RIC1: variants seen among roughly 807,000 people sequenced by gnomAD.
RIC1 encodes RIC1 partner of RAB6A GEF complex, also known as guanine nucleotide exchange factor subunit RIC1.
Under a neutral mutation model 169.0 loss-of-function variants are expected in RIC1, and 88 were observed. The ratio of observed to expected loss-of-function variants is 0.52; its 90% confidence interval spans 0.44 to 0.62. RIC1 has a LOEUF of 0.62. Among genes scored for constraint, RIC1 ranks in the 20% least tolerant of loss-of-function variants. RIC1 has a pLI of 0.00. For missense variants in RIC1, 1,877 were observed against 1,725.5 expected, an observed-to-expected ratio of 1.09 and a Z score of -1.56; for synonymous variants, 790 against 601.5, an observed-to-expected ratio of 1.31 and a Z score of -4.59.
At chr9:5,710,374 G>C (rs779281548) in intron 3 of RIC1, among the ~76,000 whole-genome samples, 22 of 152,146 alleles carry the variant, frequency 1.4e-4, no homozygotes, top group Non-Finnish European at 2.4e-4. Flanking sequence ...TCTTTACCCT[G>C]CTTGGCTCCA....
At chr9:5,772,422 A>G (rs547111069) in intron 23 of RIC1, 142 bp from the exon 24 acceptor site, 9 of 632,958 alleles carry the variant, frequency 1.4e-5, no homozygotes, top group East Asian at 2.9e-5. Flanking sequence ...CTATGTTCAC[A>G]TGGTAATTTT....
intron 2 of RIC1, among the ~76,000 whole-genome samples, chr9:5,670,420 T>C (rs1012976222): frequency 1.3e-5 from 2 of 152,216 alleles, no homozygotes; most frequent in Admixed American, 6.5e-5. Flanking sequence ...CTAGGCCTTA[T>C]TGATTCCATA....
At position 5,765,529 on chromosome 9, in the gene RIC1, G is replaced by A; in HGVS notation, c.2957G>A (p.Gly986Asp). The A allele has an allele frequency of 6.2e-7, 1 of 1,612,510 alleles. No homozygotes were observed. Residue 986 changes from glycine (G) to aspartate (D), a missense_variant, in exon 20 of 26, where the codon GGC (glycine) becomes GAC (aspartate). Coordinates refer to ENST00000414202, the MANE Select transcript of RIC1 (RefSeq NM_020829.4). ...ATGATTCGATTTCTTAAAGCCATTG[G>A]CTCTGGAGAATCTGAGACACCTCCA... ...RHMIRFLKAI[G>D]SGESETPPST...
rs531121055 is a variant in RIC1, at chr9:5,662,478, T to G, written c.252+5788T>G. ...TCTGTCCTGGGCTGGTTTTTTTTTT[T>G]GGGTTGCTAGGCTCTTTATTACTTC... On this transcript the variant is annotated intron_variant, in intron 2 of 25. Coordinates refer to ENST00000414202, the MANE Select transcript of RIC1 (RefSeq NM_020829.4). 1.3e-4 allele frequency among the ~76,000 whole-genome samples: 19 copies of G among 151,772 alleles called. No individual in the cohort carries two copies. The South Asian group carries it at 3.5e-3, about 28-fold the overall frequency.
At chr9:5,716,369 A>C (rs1384165765) in intron 4 of RIC1, among the ~76,000 whole-genome samples, 1 of 152,116 alleles carries the variant, frequency 6.6e-6, no homozygotes, top group East Asian at 1.9e-4. Context: ...GCACTTTGGG[A>C]GGCCAAGGGG....
Position 5,773,010 on chromosome 9 carries a change from G to A in RIC1, c.3913G>A (p.Val1305Ile). 2 of 1,613,712 alleles carry A rather than the reference G, an allele frequency of 1.2e-6. No homozygotes were observed. Among genetic ancestry groups the A allele is most frequent in the Admixed American group, 1.7e-5 (1 of 59,980 alleles). ...TTTGGTTATTACACAGTCTTCAGAG[G>A]TAGATGGAGAGATGTTACAGAACAT... ...QILVITQSSE[V>I]DGEMLQNIKT... The change falls in exon 25 of 26, where the codon GTA becomes ATA. Residue 1305 changes from valine to isoleucine, a missense_variant. Physicochemically the swap from Val to Ile is conservative, Grantham distance 29. Around this residue, in one of 3 missense-constraint regions of RIC1, gnomAD observed 681 missense variants for 582.0 expected, o/e 1.17. Coordinates refer to ENST00000414202, the MANE Select transcript of RIC1 (RefSeq NM_020829.4).
At chr9:5,759,196 G>A (rs1025363491) in intron 17 of RIC1, among the ~76,000 whole-genome samples, 2 of 152,146 alleles carry the variant, frequency 1.3e-5, no homozygotes, top group Admixed American at 6.5e-5. Context: ...GAAAAAAAGT[G>A]ACAATTTAAA....
At chr9:5,633,142 A>G (rs1427847626) in intron 1 of RIC1, among the ~76,000 whole-genome samples, 2 of 152,204 alleles carry the variant, frequency 1.3e-5, no homozygotes, top group African/African-American at 4.8e-5. Context: ...TCGTTTAGTA[A>G]TCCTGAGCAA....
intron 6 of RIC1, among the ~76,000 whole-genome samples, chr9:5,724,400 C>T (rs973621900): frequency 6.6e-6 from 1 of 152,204 alleles, no homozygotes; most frequent in African/African-American, 2.4e-5. Flanking sequence ...GATTTTTGCA[C>T]ATTCATTTTG....
chr9:5,632,949 A>G (rs1408799503), intron 1 of RIC1, among the ~76,000 whole-genome samples: 1 of 152,196 alleles, frequency 6.6e-6, no homozygotes, highest in Non-Finnish European at 1.5e-5. Flanking sequence ...TAGCTTCAGA[A>G]GTATTTTTGA....
chr9:5,649,195 A>T (rs1306841570), intron 1 of RIC1, among the ~76,000 whole-genome samples: 3 of 152,184 alleles, frequency 2.0e-5, no homozygotes, highest in African/African-American at 7.2e-5. Context: ...CCACAGTAGA[A>T]TCCTCAAACT....
chr9:5,732,272 C>T, intron 6 of RIC1, 116 bp from the exon 7 acceptor site: 1 of 770,632 alleles, frequency 1.3e-6, no homozygotes, highest in Non-Finnish European at 2.2e-6. Context: ...TTTTCCTCTG[C>T]AGATGAAACC....
At chr9:5,745,890 T>G in intron 10 of RIC1, 41 bp from the exon 11 acceptor site, 1 of 1,572,248 alleles carries the variant, frequency 6.4e-7, no homozygotes, top group South Asian at 1.1e-5. Context: ...CAAAAGCCTT[T>G]TATTGCTCTG....
chr9:5,701,771 A>C (rs570094808), intron 3 of RIC1, among the ~76,000 whole-genome samples: 1 of 152,176 alleles, frequency 6.6e-6, no homozygotes, highest in Non-Finnish European at 1.5e-5. Context: ...CTGTTCTTCC[A>C]AACAATTTTG....
At chr9:5,759,567 C>G (rs1478526457) in intron 17 of RIC1, among the ~76,000 whole-genome samples, 3 of 152,098 alleles carry the variant, frequency 2.0e-5, no homozygotes, top group African/African-American at 4.8e-5. Flanking sequence ...TATCTTCATT[C>G]AAATCAGCTA....
intron 6 of RIC1, among the ~76,000 whole-genome samples, chr9:5,722,726 G>T (rs992991822): frequency 6.6e-6 from 1 of 151,600 alleles, no homozygotes; most frequent in African/African-American, 2.4e-5. Flanking sequence ...CCCCACGACA[G>T]GCCCTGGTGT....
chr9:5,676,894 G>A lies in RIC1; in HGVS notation c.253-13065G>A, dbSNP rs182089955. On this transcript the variant is annotated intron_variant, in intron 2 of 25. Transcript: ENST00000414202. ...TAATTCATTATGAGTATTAGTTTAC[G>A]GATTTCTCACAGTTGGTTTATCCAT... Among the ~76,000 whole-genome samples the A allele has an allele frequency of 1.2e-4, 19 of 152,206 alleles. No homozygotes were observed. In the East Asian group the frequency reaches 1.9e-3, roughly 15 times the overall value.
chr9:5,735,516 T>C (rs1014014586), intron 7 of RIC1, among the ~76,000 whole-genome samples: 1 of 152,234 alleles, frequency 6.6e-6, no homozygotes, highest in African/African-American at 2.4e-5. Flanking sequence ...CTATAGCTTT[T>C]CAGTCACCTC....
chr9:5,651,496 T>G (rs1818797556), intron 1 of RIC1, among the ~76,000 whole-genome samples: 1 of 152,004 alleles, frequency 6.6e-6, no homozygotes, highest in African/African-American at 2.4e-5. Context: ...TAATGAATCA[T>G]TTCCTTTATG....
Sources: allele counts gnomAD v4.1 joint callset (sites outside exome capture counted in the v4.1 genomes callset), GRCh38; gene constraint gnomAD v4.1.1; regional missense constraint gnomAD v4.1.1; transcripts MANE v1.5; gene names NCBI Gene and HGNC (gene_info 2026-07-23, HGNC 2026-07-21).